The following TRHDE variants were observed in gnomAD, a reference collection of about 807,000 sequenced individuals.
The protein encoded by TRHDE is thyrotropin releasing hormone degrading enzyme.
TRHDE carries 72 observed loss-of-function variants against 125.7 expected under a neutral mutation model. The ratio of observed to expected loss-of-function variants is 0.57; its 90% CI spans 0.47 to 0.70. The LOEUF (loss-of-function observed/expected upper bound fraction) is 0.70. Ranked by LOEUF, TRHDE falls within the 30% of genes least tolerant of loss-of-function variation. The pLI is 0.00. For missense variants in TRHDE, 1,110 were observed against 1,327.1 expected (o/e 0.84, Z 2.54); for synonymous variants, 509 against 509.1 (o/e 1.00, Z 0.00).
intron 10 of TRHDE, among the ~76,000 whole-genome samples, chr12:72,568,950 A>G (rs546015080): frequency 6.6e-6 from 1 of 152,178 alleles, no homozygotes; most frequent in Non-Finnish European, 1.5e-5. Flanking sequence ...TCCACATGTA[A>G]TTAAAATATA....
intron 2 of TRHDE, among the ~76,000 whole-genome samples, chr12:72,241,472 TTAA>T (rs1390583391): frequency 6.6e-6 from 1 of 152,216 alleles, no homozygotes; most frequent in Non-Finnish European, 1.5e-5. Flanking sequence ...GTTGTGTGCA[TTAA>T]TACTTTATTA....
chr12:72,303,347 G>A (rs972848292), intron 2 of TRHDE: 6 of 152,068 alleles, frequency 3.9e-5, no homozygotes, highest in African/African-American at 1.4e-4. Flanking sequence ...GGATTGTTTG[G>A]AGGCTTTAGG....
At chr12:72,231,036 T>TATC (rs1878236425) in intron 2 of TRHDE, among the ~76,000 whole-genome samples, 1 of 152,200 alleles carries the variant, frequency 6.6e-6, no homozygotes, top group South Asian at 2.1e-4. Flanking sequence ...TTTGGACATT[T>TATC]ATCAACACTT....
chr12:72,498,308 A>G lies in TRHDE; in HGVS notation c.1585-1190A>G, dbSNP rs572529365. On this transcript the variant is annotated intron_variant, in intron 5 of 18. Transcript: ENST00000261180. ...CACACACATTTATGTCCAGTCAACA[A>G]TTCTTTTCTTGGCGTATTTTTTCTC... is the stretch of plus-strand genomic sequence containing the variant. 2.0e-5 allele frequency among the ~76,000 whole-genome samples: 3 copies of G among 152,302 alleles called. No individual in the cohort carries two copies. The South Asian group carries it at 6.2e-4, about 32-fold the overall frequency.
At chr12:72,582,101 CAA>C (rs35550066) in intron 12 of TRHDE, 777 of 59,368 alleles carry the variant, frequency 0.013, no homozygotes, top group Middle Eastern at 0.024. Context: ...GACTCCGTCT[CAA>C]AAAAAAAAAA....
intron 7 of TRHDE, among the ~76,000 whole-genome samples, chr12:72,560,383 A>G (rs1870120704): frequency 1.3e-5 from 2 of 152,224 alleles, no homozygotes; most frequent in Non-Finnish European, 2.9e-5. Context: ...TTAGACTTTT[A>G]TGATCTTTGA....
At chr12:72,140,014 A>G (rs1442714807) in intron 2 of TRHDE, 1 of 152,252 alleles carries the variant, frequency 6.6e-6, no homozygotes, top group Non-Finnish European at 1.5e-5. Flanking sequence ...AGATCGAAGT[A>G]TTTTAGCTCA....
intron 6 of TRHDE, among the ~76,000 whole-genome samples, chr12:72,517,381 A>G (rs1289525082): frequency 1.3e-5 from 2 of 152,086 alleles, no homozygotes; most frequent in Non-Finnish European, 1.5e-5. Flanking sequence ...GGGAGAGTGC[A>G]TGTGTCGAGG....
intron 2 of TRHDE, among the ~76,000 whole-genome samples, chr12:72,295,132 G>A (rs1880240330): frequency 6.7e-6 from 1 of 148,358 alleles, no homozygotes; most frequent in East Asian, 2.0e-4. Flanking sequence ...GGTGGGGGGT[G>A]GCTGGGGGAT....
chr12:72,207,662 C>T (rs1346166904), intron 2 of TRHDE, among the ~76,000 whole-genome samples: 2 of 152,112 alleles, frequency 1.3e-5, no homozygotes, highest in African/African-American at 2.4e-5. Context: ...CATGATGGAA[C>T]AGGATGGTTT....
At chr12:72,353,270 T>A (rs2135742772) in intron 2 of TRHDE, among the ~76,000 whole-genome samples, 1 of 151,830 alleles carries the variant, frequency 6.6e-6, no homozygotes, top group South Asian at 2.1e-4. Flanking sequence ...TAATCTGTGA[T>A]CACTCATTCA....
intron 3 of TRHDE, among the ~76,000 whole-genome samples, chr12:72,440,279 T>G (rs1309320884): frequency 6.6e-6 from 1 of 151,880 alleles, no homozygotes; most frequent in Non-Finnish European, 1.5e-5. Context: ...GTATTCTAAT[T>G]TTTTGAAATA....
At chr12:72,123,764 C>G (rs1243799071) in intron 2 of TRHDE, among the ~76,000 whole-genome samples, 1 of 152,052 alleles carries the variant, frequency 6.6e-6, no homozygotes, top group East Asian at 1.9e-4. Flanking sequence ...ATCCATGAAA[C>G]TGCCGTCACA....
chr12:72,329,716 C>A (rs1746450396), intron 2 of TRHDE, among the ~76,000 whole-genome samples: 1 of 152,020 alleles, frequency 6.6e-6, no homozygotes. Context: ...TTGTTTGTCC[C>A]ATTTGGATGG....
intron 12 of TRHDE, among the ~76,000 whole-genome samples, chr12:72,579,209 C>G (rs555383730): frequency 6.6e-6 from 1 of 151,880 alleles, no homozygotes; most frequent in African/African-American, 2.4e-5. Context: ...TATTCTGAAG[C>G]CTTTTCCAAT....
intron 3 of TRHDE, among the ~76,000 whole-genome samples, chr12:72,454,142 G>T (rs1372970732): frequency 6.6e-6 from 1 of 152,004 alleles, no homozygotes; most frequent in African/African-American, 2.4e-5. Context: ...TTCATTGTAA[G>T]AGTAGTATAA....
At chr12:72,538,853 A>G (rs1406050382) in intron 6 of TRHDE, among the ~76,000 whole-genome samples, 1 of 151,814 alleles carries the variant, frequency 6.6e-6, no homozygotes, top group African/African-American at 2.4e-5. Context: ...TTGGAGTATC[A>G]CAGTTAAGTC....
intron 2 of TRHDE, among the ~76,000 whole-genome samples, chr12:72,287,947 CT>C (rs111979925): frequency 0.22 from 31,345 of 144,576 alleles, 3,616 homozygotes; most frequent in Middle Eastern, 0.33. Flanking sequence ...TAAGATTCCA[CT>C]TTTTTTTTTT....
intron 5 of TRHDE, among the ~76,000 whole-genome samples, chr12:72,476,038 T>A (rs1413625981): frequency 1.3e-5 from 2 of 152,086 alleles, no homozygotes; most frequent in African/African-American, 4.8e-5. Context: ...TGCCTCAGCC[T>A]CCCAAGTAGC....
Sources: gnomAD v4.1 joint callset for allele counts (sites outside exome capture counted in the v4.1 genomes callset) on GRCh38, gnomAD v4.1.1 for gene constraint, MANE v1.5 for transcripts, NCBI Gene and HGNC (gene_info 2026-07-23, HGNC 2026-07-21) for gene names.